The following NIPAL2 variants were observed in gnomAD, a reference collection of about 807,000 sequenced individuals.
The protein encoded by NIPAL2 is NIPA-like protein 2.
NIPAL2 carries 43 observed loss-of-function variants against 48.9 expected under a neutral mutation model. That is an observed-to-expected ratio of 0.88 (90% confidence interval 0.69 to 1.13). The LOEUF (loss-of-function observed/expected upper bound fraction) is 1.13, where lower values mean the gene tolerates loss of function less well. Ranked by LOEUF, NIPAL2 falls within the 50% of genes most tolerant of loss-of-function variation. The pLI, the probability that NIPAL2 is intolerant of heterozygous loss-of-function variation, is 0.00. For synonymous variants in NIPAL2, 167 were observed against 174.6 expected, an observed-to-expected ratio of 0.96 and a Z score of 0.34; for missense variants, 446 against 461.4, an observed-to-expected ratio of 0.97 and a Z score of 0.31.
At chr8:98,218,295 C>T (rs750798419) in intron 5 of NIPAL2, among the ~76,000 whole-genome samples, 1 of 152,146 alleles carries the variant, frequency 6.6e-6, no homozygotes, top group African/African-American at 2.4e-5. Flanking sequence ...TCTGGACTAT[C>T]ATGAAATTTT....
chr8:98,289,147 C>CT, intron 1 of NIPAL2, among the ~76,000 whole-genome samples: 1 of 151,912 alleles, frequency 6.6e-6, no homozygotes, highest in East Asian at 1.9e-4. Context: ...TCTTTTTCTG[C>CT]TGTGTCTTTT....
intron 1 of NIPAL2, among the ~76,000 whole-genome samples, chr8:98,285,112 C>T (rs1306329992): frequency 6.6e-6 from 1 of 152,176 alleles, no homozygotes; most frequent in African/African-American, 2.4e-5. Context: ...TCAGGTCCCA[C>T]CAACAAAGAC....
intron 1 of NIPAL2, among the ~76,000 whole-genome samples, chr8:98,264,836 C>A (rs1452004142): frequency 6.6e-6 from 1 of 152,038 alleles, no homozygotes; most frequent in Non-Finnish European, 1.5e-5. Context: ...AATCCTAAGC[C>A]AAAAGAACAA....
At chr8:98,254,652 C>T (rs1813775227) in intron 1 of NIPAL2, among the ~76,000 whole-genome samples, 1 of 152,178 alleles carries the variant, frequency 6.6e-6, no homozygotes, top group Admixed American at 6.5e-5. Context: ...CCTACTACTC[C>T]CCTGGTCAAA....
intron 1 of NIPAL2, among the ~76,000 whole-genome samples, chr8:98,275,316 A>G (rs773288154): frequency 1.3e-5 from 2 of 151,982 alleles, no homozygotes; most frequent in Non-Finnish European, 2.9e-5. Flanking sequence ...TCCATTCTCC[A>G]TTTCTATGTT....
intron 1 of NIPAL2, among the ~76,000 whole-genome samples, chr8:98,286,330 C>A (rs1336761684): frequency 6.6e-6 from 1 of 152,154 alleles, no homozygotes; most frequent in Admixed American, 6.5e-5. Context: ...CACAGGCAAG[C>A]AGCCAGACAC....
chr8:98,213,656 G>T (rs1290910402), intron 5 of NIPAL2, among the ~76,000 whole-genome samples: 3 of 151,380 alleles, frequency 2.0e-5, no homozygotes, highest in Non-Finnish European at 4.4e-5. Context: ...TCCTGCCTGT[G>T]GGCCTTTGCA....
At chr8:98,268,304 G>T (rs1043035386) in intron 1 of NIPAL2, among the ~76,000 whole-genome samples, 1 of 151,880 alleles carries the variant, frequency 6.6e-6, no homozygotes, top group Admixed American at 6.6e-5. Flanking sequence ...CTGGTGGCAG[G>T]TCCAATAATT....
intron 4 of NIPAL2, among the ~76,000 whole-genome samples, chr8:98,225,027 G>T (rs1393772680): frequency 3.9e-5 from 6 of 152,028 alleles, no homozygotes; most frequent in African/African-American, 1.4e-4. Flanking sequence ...AAAGTTCTGG[G>T]ATTACAGGAG....
intron 4 of NIPAL2, among the ~76,000 whole-genome samples, chr8:98,234,771 C>T (rs1284716677): frequency 1.3e-5 from 2 of 150,478 alleles, no homozygotes; most frequent in African/African-American, 2.4e-5. Flanking sequence ...AAGCTGATCT[C>T]GAACTCCTGG....
At chr8:98,293,968 C>T in intron 1 of NIPAL2, 35 bp downstream of exon 1, 1 of 1,406,784 alleles carries the variant, frequency 7.1e-7, no homozygotes, top group Non-Finnish European at 9.3e-7. Flanking sequence ...GGCCGCGTCC[C>T]CACCGGGCTG....
intron 1 of NIPAL2, among the ~76,000 whole-genome samples, chr8:98,260,732 A>T (rs1814262774): frequency 6.6e-6 from 1 of 152,256 alleles, no homozygotes; most frequent in African/African-American, 2.4e-5. Flanking sequence ...AGGCTTGATT[A>T]GGTAAACAAA....
At chr8:98,203,633 C>T (rs1213333124) in intron 7 of NIPAL2, among the ~76,000 whole-genome samples, 1 of 152,214 alleles carries the variant, frequency 6.6e-6, no homozygotes, top group Non-Finnish European at 1.5e-5. Flanking sequence ...AAACAATGCT[C>T]AGTGCTCCAG....
In NIPAL2 at chr8:98,195,778, C is replaced by T. The variant is rs1016619476; in HGVS notation, c.944+164G>A. Reference sequence around the variant, plus strand: ...AAGTCACAAAGCCAAAGACGCTGAGCCCTGTTTAGGGCCTTAAGTTAAAAA... The same window carrying T: ...AAGTCACAAAGCCAAAGACGCTGAGTCCTGTTTAGGGCCTTAAGTTAAAAA... On this transcript the variant is annotated intron_variant, in intron 9 of 10. Coordinates refer to ENST00000430223, the MANE Select transcript of NIPAL2 (RefSeq NM_001321635.2). 23 of 528,354 alleles carry T rather than the reference C, an allele frequency of 4.4e-5. No individual in the cohort carries two copies. The Admixed American group carries it at 8.4e-4, about 19-fold the overall frequency. The allele number at this position is 528,354 out of a possible 1,614,324, so 32.7% of individuals were successfully genotyped here.
chr8:98,262,761 C>T (rs1814435677), intron 1 of NIPAL2, among the ~76,000 whole-genome samples: 2 of 150,962 alleles, frequency 1.3e-5, no homozygotes, highest in East Asian at 3.9e-4. Context: ...TTGAACTCAG[C>T]TCTGCACCAA....
rs369539884 is a variant in NIPAL2, at chr8:98,260,850, C to G, written c.136-6763G>C. ...AGGGCACAGACAAACAAAAAGACAG[C>G]AGTAACCTCTGCAGACTTAAATGTC... On this transcript the variant is annotated intron_variant, in intron 1 of 10. Coordinates refer to ENST00000430223, the MANE Select transcript of NIPAL2 (RefSeq NM_001321635.2). 9.5e-4 allele frequency among the ~76,000 whole-genome samples: 145 copies of G among 152,180 alleles called. 2 individuals carry two copies. In the East Asian group the frequency reaches 0.021, roughly 22 times the overall value.
At chr8:98,266,213 C>T (rs190087119) in intron 1 of NIPAL2, among the ~76,000 whole-genome samples, 1 of 148,196 alleles carries the variant, frequency 6.7e-6, no homozygotes, top group East Asian at 2.0e-4. Context: ...AGTGCACCAG[C>T]ATGGCACATG....
intron 1 of NIPAL2, among the ~76,000 whole-genome samples, chr8:98,256,631 T>TG (rs1554573444): frequency 2.0e-5 from 3 of 146,896 alleles, no homozygotes; most frequent in Non-Finnish European, 4.5e-5. Context: ...TGGCTATAAT[T>TG]AAAAAAAAAA....
In NIPAL2 at chr8:98,260,419, G is replaced by A. The variant is rs184191307; in HGVS notation, c.136-6332C>T. On this transcript the variant is annotated intron_variant, in intron 1 of 10. Coordinates refer to ENST00000430223, the MANE Select transcript of NIPAL2 (RefSeq NM_001321635.2). ...ACAGTGGGCGCAGCTCAGTGGGTGC[G>A]CGCACCGTGTGCGAGCCGAAGCAGG... Among the ~76,000 whole-genome samples, 334 of 152,286 alleles carry A rather than the reference G, an allele frequency of 2.2e-3. 10 individuals carry two copies. In the East Asian group the frequency reaches 0.053, roughly 24 times the overall value.
Sources: allele counts gnomAD v4.1 joint callset (sites outside exome capture counted in the v4.1 genomes callset), GRCh38; gene constraint gnomAD v4.1.1; transcripts MANE v1.5; gene names NCBI Gene and HGNC (gene_info 2026-07-23, HGNC 2026-07-21).